The following ELP4 variants were observed in gnomAD, a reference collection of about 807,000 sequenced individuals.
ELP4 encodes the protein elongator acetyltransferase complex subunit 4, also known as elongator complex protein 4.
In ELP4, 51 loss-of-function variants were observed where a neutral mutation model predicts 48.9. The observed-to-expected ratio is 1.04, with a 90% CI of 0.83 to 1.32. ELP4 has a LOEUF of 1.32. Among genes scored for constraint, ELP4 ranks in the 40% most tolerant of loss-of-function variants. ELP4 has a pLI of 0.00. For synonymous variants in ELP4, 210 were observed against 189.2 expected, an observed-to-expected ratio of 1.11 and a Z score of -0.90; for missense variants, 519 against 514.6, an observed-to-expected ratio of 1.01 and a Z score of -0.08.
intron 9 of ELP4, among the ~76,000 whole-genome samples, chr11:31,677,830 A>G (rs1048345461): frequency 7.9e-5 from 12 of 152,290 alleles, no homozygotes; most frequent in Admixed American, 5.2e-4. Flanking sequence ...ATTTGTTACA[A>G]TTGGTGAGCC....
chr11:31,564,247 A>G (rs1592120260), intron 3 of ELP4, among the ~76,000 whole-genome samples: 1 of 152,162 alleles, frequency 6.6e-6, no homozygotes, highest in Admixed American at 6.5e-5. Context: ...GTTCCCCAAC[A>G]TATCATTTTC....
intron 9 of ELP4, among the ~76,000 whole-genome samples, chr11:31,765,222 A>C (rs1204363935): frequency 6.6e-6 from 1 of 152,226 alleles, no homozygotes; most frequent in Non-Finnish European, 1.5e-5. Context: ...ACCTTATTCT[A>C]AAATTTAACT....
At chr11:31,549,702 G>T (rs1033028526) in intron 3 of ELP4, among the ~76,000 whole-genome samples, 3 of 152,106 alleles carry the variant, frequency 2.0e-5, no homozygotes, top group African/African-American at 4.8e-5. Flanking sequence ...GTTTATTGCG[G>T]CACTATTCAC....
At chr11:31,651,214 CTCTCTTTT>C (rs987113985) in intron 9 of ELP4, 1 of 151,610 alleles carries the variant, frequency 6.6e-6, no homozygotes, top group African/African-American at 2.4e-5. Flanking sequence ...TAATGGTTCT[CTCTCTTTT>C]TCTCTTTCCC....
intron 5 of ELP4, among the ~76,000 whole-genome samples, chr11:31,620,072 A>G (rs1026516410): frequency 1.3e-5 from 2 of 152,082 alleles, no homozygotes; most frequent in African/African-American, 2.4e-5. Flanking sequence ...TCAACAAAAA[A>G]AGAAAAAGAG....
chr11:31,527,328 A>T (rs1481881497), intron 2 of ELP4, among the ~76,000 whole-genome samples: 1 of 152,096 alleles, frequency 6.6e-6, no homozygotes, highest in Non-Finnish European at 1.5e-5. Context: ...AATAATCAGT[A>T]ATCTCCAGAC....
At chr11:31,726,217 G>T (rs949762813) in intron 9 of ELP4, among the ~76,000 whole-genome samples, 4 of 152,098 alleles carry the variant, frequency 2.6e-5, no homozygotes, top group Admixed American at 6.5e-5. Flanking sequence ...AGATCAAGGG[G>T]TTATCAAGGA....
At chr11:31,744,860 A>G (rs1398403759) in intron 9 of ELP4, among the ~76,000 whole-genome samples, 3 of 152,286 alleles carry the variant, frequency 2.0e-5, no homozygotes, top group East Asian at 1.9e-4. Flanking sequence ...CACCACTCCT[A>G]TTCAACATAG....
chr11:31,638,435 A>T (rs968499525), intron 7 of ELP4, among the ~76,000 whole-genome samples: 3 of 151,808 alleles, frequency 2.0e-5, no homozygotes, highest in Admixed American at 1.3e-4. Context: ...TTTTTGTCAT[A>T]TACCCACTGT....
chr11:31,639,275 C>T (rs6484520), intron 7 of ELP4, among the ~76,000 whole-genome samples: 92,050 of 151,766 alleles, frequency 0.61, 31,683 homozygotes, highest in Non-Finnish European at 0.76. Flanking sequence ...TAAAAAGAAG[C>T]AGTTTTTAAA....
At chr11:31,727,012 A>G (rs1241600851) in intron 9 of ELP4, among the ~76,000 whole-genome samples, 1 of 152,164 alleles carries the variant, frequency 6.6e-6, no homozygotes, top group Non-Finnish European at 1.5e-5. Context: ...ATATTTTTAT[A>G]ATAAAAGGCC....
intron 7 of ELP4, among the ~76,000 whole-genome samples, chr11:31,644,568 A>G (rs1945163961): frequency 1.3e-5 from 2 of 151,814 alleles, no homozygotes; most frequent in African/African-American, 4.8e-5. Flanking sequence ...TTTATTATCC[A>G]TAGTGTATTC....
intron 9 of ELP4, among the ~76,000 whole-genome samples, chr11:31,740,400 AT>A (rs1947418532): frequency 6.6e-6 from 1 of 152,260 alleles, no homozygotes; most frequent in South Asian, 2.1e-4. Flanking sequence ...TGGCTTTTAC[AT>A]GCCAAAGATG....
intron 9 of ELP4, chr11:31,719,841 C>A (rs1282347929): frequency 2.1e-5 from 4 of 192,810 alleles, no homozygotes; most frequent in Non-Finnish European, 3.1e-5. Flanking sequence ...GTGGATAGAT[C>A]TTTAGAGAGG....
Position 31,565,879 on chromosome 11 carries a change from C to G in ELP4, c.381+26096C>G, listed in dbSNP as rs545480121. 2.0e-5 allele frequency among the ~76,000 whole-genome samples: 3 copies of G among 152,224 alleles called. No homozygotes were observed. In the South Asian group the frequency reaches 6.2e-4, roughly 32 times the overall value. On this transcript the variant is annotated intron_variant, in intron 3 of 9. Coordinates refer to ENST00000640961, the MANE Select transcript of ELP4 (RefSeq NM_019040.5). ...AGGCTCTTTTTTGGTTCCATATGAACTGTAAAGTAGTTTTTTCCAATTCTG... is the reference window on the plus strand; with the variant it reads ...AGGCTCTTTTTTGGTTCCATATGAAGTGTAAAGTAGTTTTTTCCAATTCTG...
At chr11:31,521,148 G>C (rs1321278646) in intron 2 of ELP4, among the ~76,000 whole-genome samples, 2 of 152,042 alleles carry the variant, frequency 1.3e-5, no homozygotes, top group African/African-American at 4.8e-5. Context: ...GTAAGAATTT[G>C]TCTAGTAAAG....
intron 3 of ELP4, among the ~76,000 whole-genome samples, chr11:31,576,355 C>A (rs1209292897): frequency 1.2e-4 from 18 of 152,170 alleles, no homozygotes; most frequent in Non-Finnish European, 1.0e-4. Context: ...GACTTTAACA[C>A]CTGACTGTCA....
intron 2 of ELP4, among the ~76,000 whole-genome samples, chr11:31,525,230 A>T (rs1351411627): frequency 6.6e-6 from 1 of 152,158 alleles, no homozygotes; most frequent in Non-Finnish European, 1.5e-5. Context: ...GTGTTACTAT[A>T]TTTGATATTC....
chr11:31,543,263 A>G (rs746239978), intron 3 of ELP4, among the ~76,000 whole-genome samples: 3 of 152,228 alleles, frequency 2.0e-5, no homozygotes, highest in Non-Finnish European at 4.4e-5. Context: ...AATGAAAAAT[A>G]TGCCACGATT....
Sources: allele counts gnomAD v4.1 joint callset (sites outside exome capture counted in the v4.1 genomes callset), GRCh38; gene constraint gnomAD v4.1.1; transcripts MANE v1.5; gene names NCBI Gene and HGNC (gene_info 2026-07-23, HGNC 2026-07-21).